TTC3: variants seen among roughly 807,000 people sequenced by gnomAD.
TTC3 encodes E3 ubiquitin-protein ligase TTC3.
A neutral mutation model predicts 249.6 loss-of-function variants in TTC3; 180 were observed. The observed-to-expected ratio is 0.72, with a 90% confidence interval of 0.64 to 0.82. TTC3 has a LOEUF of 0.82. Among genes scored for constraint, TTC3 ranks in the 40% least tolerant of loss-of-function variants. The probability of loss-of-function intolerance (pLI) is 0.00; values close to 1 mark genes in which losing one functional copy is unlikely to be tolerated. For synonymous variants in TTC3, 717 were observed against 805.0 expected, an observed-to-expected ratio of 0.89 and a Z score of 1.85; for missense variants, 2,061 against 2,398.4, an observed-to-expected ratio of 0.86 and a Z score of 2.94.
At chr21:37,126,080 G>T in exon 15 of TTC3, 1 of 1,605,034 alleles carries the variant, frequency 6.2e-7, no homozygotes, top group African/African-American at 1.3e-5. Context: ...TCATTGGCAG[G>T]TGGCGGATGA....
chr21:37,112,293 G>A (rs917879060), intron 11 of TTC3, among the ~76,000 whole-genome samples: 4 of 152,096 alleles, frequency 2.6e-5, no homozygotes, highest in Non-Finnish European at 4.4e-5. Context: ...TTGATAGACC[G>A]CTAGCAAGAC....
rs60361476 is a variant in TTC3, at chr21:37,079,517, G to GTTTTT, written c.-12+6183_-12+6187dup. ...GTCCTTTCATCAAGTTTATGGTATG[G>GTTTTT]TTTTTTTTTTTTTTTTTTTTTTTTT... On this transcript the variant is annotated intron_variant, in intron 1 of 45. Coordinates refer to ENST00000355666, the Ensembl canonical transcript of TTC3. Among the ~76,000 whole-genome samples, 121 of 91,110 alleles carry GTTTTT rather than the reference G, an allele frequency of 1.3e-3. 7 individuals are homozygous for GTTTTT. Among genetic ancestry groups the GTTTTT allele is most frequent in the African/African-American group, 4.4e-3 (92 of 20,726 alleles). 59.8% of individuals were successfully genotyped at this position (91,110 alleles called of 152,430 possible). A position where few individuals can be genotyped will look rare whatever the true frequency, so the allele number is the denominator to read the frequency against.
At chr21:37,131,428 T>C (rs2077461498) in intron 16 of TTC3, among the ~76,000 whole-genome samples, 1 of 152,186 alleles carries the variant, frequency 6.6e-6, no homozygotes, top group Non-Finnish European at 1.5e-5. Flanking sequence ...GACGAACACA[T>C]TGATGTGCTG....
intron 26 of TTC3, 141 bp downstream of exon 26, chr21:37,152,170 C>T (rs2079528880): frequency 9.6e-7 from 1 of 1,043,488 alleles, no homozygotes; most frequent in Non-Finnish European, 1.3e-6. Context: ...TCACTGTCTT[C>T]TGTTACTCGA....
In TTC3 at chr21:37,090,158, G is replaced by A. The variant is rs1419325093; in HGVS notation, c.427-75G>A. On this transcript the variant is annotated intron_variant, in intron 5 of 45. Coordinates refer to ENST00000355666, the Ensembl canonical transcript of TTC3. ...CATATAGTAGTGTTCCTAAAATGTA[G>A]GCCATTTTTCCGTTAGAAAATTCAA... 8.1e-6 allele frequency: 9 copies of A among 1,109,272 alleles called. No homozygotes were observed. The African/African-American group carries it at 1.4e-4, about 17-fold the overall frequency. The allele number at this position is 1,109,272 out of a possible 1,614,324, so 68.7% of individuals were successfully genotyped here. A position where few individuals can be genotyped will look rare whatever the true frequency, so the allele number is the denominator to read the frequency against.
exon 46 of TTC3, chr21:37,201,510 A>G: frequency 6.2e-7 from 1 of 1,614,006 alleles, no homozygotes; most frequent in Non-Finnish European, 8.5e-7. Flanking sequence ...CTGACAGAAG[A>G]GTCACCTTCT....
intron 22 of TTC3, among the ~76,000 whole-genome samples, chr21:37,148,050 C>T (rs1288584105): frequency 6.6e-6 from 1 of 152,126 alleles, no homozygotes; most frequent in African/African-American, 2.4e-5. Context: ...AGGTCTACAT[C>T]GTCTCACATG....
chr21:37,142,082 G>C (rs2078525927), intron 20 of TTC3, among the ~76,000 whole-genome samples: 1 of 152,076 alleles, frequency 6.6e-6, no homozygotes, highest in Non-Finnish European at 1.5e-5. Context: ...AATAAATTAG[G>C]TATTGATGGG....
rs182320654 is a variant in TTC3, at chr21:37,158,826, T to G, written c.2993-873T>G. 2.6e-5 allele frequency among the ~76,000 whole-genome samples: 4 copies of G among 152,284 alleles called. No individual in the cohort carries two copies. The East Asian group carries it at 7.7e-4, about 29-fold the overall frequency. Reference sequence around the variant, plus strand: ...ATAACTTGTTTGTCATCAATCCAAATGAGCTTTGTCCTTGATCTGTCCTTT... The same window carrying G: ...ATAACTTGTTTGTCATCAATCCAAAGGAGCTTTGTCCTTGATCTGTCCTTT... On this transcript the variant is annotated intron_variant, in intron 28 of 45. Transcript: ENST00000355666.
chr21:37,076,574 C>CT (rs1482834944), intron 1 of TTC3, among the ~76,000 whole-genome samples: 1 of 151,996 alleles, frequency 6.6e-6, no homozygotes, highest in Non-Finnish European at 1.5e-5. Flanking sequence ...GCTAGTGCTA[C>CT]TTTCTTACCT....
At chr21:37,140,716 C>A (rs781445366) in intron 20 of TTC3, 43 bp downstream of exon 20, 1 of 1,331,510 alleles carries the variant, frequency 7.5e-7, no homozygotes, top group Admixed American at 2.2e-5. Flanking sequence ...GCTGGTAACT[C>A]ATTTAAAATC....
intron 20 of TTC3, among the ~76,000 whole-genome samples, chr21:37,143,497 C>T (rs1459581847): frequency 6.6e-6 from 1 of 151,912 alleles, no homozygotes; most frequent in Non-Finnish European, 1.5e-5. Context: ...AAAAAATGCT[C>T]ATCATCACTG....
intron 39 of TTC3, among the ~76,000 whole-genome samples, chr21:37,190,125 T>C (rs2083850806): frequency 7.4e-6 from 1 of 134,354 alleles, no homozygotes; most frequent in Non-Finnish European, 1.5e-5. Flanking sequence ...TAGTTCTTTT[T>C]CTTTCTTTTT....
rs76796609 is a variant in TTC3, at chr21:37,093,952, GT to G, written c.602-44del. ...ATTAGAATATTATCAATACCAATTT[GT>G]TTTTTTTTAAACAAATGTTCTCTCT... On this transcript the variant is annotated intron_variant, in intron 7 of 45. Coordinates refer to ENST00000355666, the Ensembl canonical transcript of TTC3. 5.1e-4 allele frequency: 614 copies of G among 1,200,904 alleles called. 2 individuals are homozygous for G. In the African/African-American group the frequency reaches 5.8e-3, roughly 11 times the overall value. 74.4% of individuals were successfully genotyped at this position (1,200,904 alleles called of 1,614,324 possible).
intron 11 of TTC3, among the ~76,000 whole-genome samples, chr21:37,109,998 C>A (rs1779675683): frequency 6.6e-6 from 1 of 151,496 alleles, no homozygotes; most frequent in African/African-American, 2.4e-5. Flanking sequence ...GCAGCTGAGG[C>A]TCCTGGCTGT....
chr21:37,171,054 A>T (rs951947471), intron 34 of TTC3, among the ~76,000 whole-genome samples: 1 of 152,156 alleles, frequency 6.6e-6, no homozygotes, highest in Non-Finnish European at 1.5e-5. Context: ...CATTTTATTA[A>T]TGTGTGATCA....
At chr21:37,122,899 C>T in intron 12 of TTC3, 84 bp from the exon 13 acceptor site, 16 of 1,366,576 alleles carry the variant, frequency 1.2e-5, no homozygotes, top group Non-Finnish European at 1.5e-5. Context: ...TTACTATCAG[C>T]TTAAAGTAAA....
At chr21:37,108,861 A>T (rs1489658478) in intron 11 of TTC3, among the ~76,000 whole-genome samples, 3 of 152,236 alleles carry the variant, frequency 2.0e-5, no homozygotes, top group South Asian at 4.1e-4. Context: ...TATCGAACTT[A>T]AAAACTTGTG....
At chr21:37,123,805 G>A (rs2076821070) in intron 13 of TTC3, among the ~76,000 whole-genome samples, 1 of 151,880 alleles carries the variant, frequency 6.6e-6, no homozygotes, top group Admixed American at 6.6e-5. Flanking sequence ...CTGGAGTGCG[G>A]TGTTATGATG....
Sources: gnomAD v4.1 joint callset for allele counts (sites outside exome capture counted in the v4.1 genomes callset) on GRCh38, gnomAD v4.1.1 for gene constraint, MANE v1.5 for transcripts, NCBI Gene and HGNC (gene_info 2026-07-23, HGNC 2026-07-21) for gene names.